DLEU7: variants seen among roughly 807,000 people sequenced by gnomAD.
The protein encoded by DLEU7 is leukemia-associated protein 7.
In DLEU7, 17 loss-of-function variants were observed where a neutral mutation model predicts 16.0. The ratio of observed to expected loss-of-function variants is 1.06; its 90% CI spans 0.73 to 1.59. The LOEUF (loss-of-function observed/expected upper bound fraction) is 1.59, where lower values mean the gene tolerates loss of function less well. Ranked by LOEUF, DLEU7 falls within the 40% of genes most tolerant of loss-of-function variation. The probability of loss-of-function intolerance (pLI) is 0.00; values close to 1 mark genes in which losing one functional copy is unlikely to be tolerated. For synonymous variants in DLEU7, 113 were observed against 139.8 expected, an observed-to-expected ratio of 0.81 and a Z score of 1.35; for missense variants, 308 against 314.9, an observed-to-expected ratio of 0.98 and a Z score of 0.17.
chr13:50,843,799 T>A, upstream of DLEU7: 1 of 1,072,434 alleles, frequency 9.3e-7, no homozygotes, highest in Non-Finnish European at 1.3e-6. This position sits in a 1 kb window ranked among gnomAD's most constrained non-coding sequence, Gnocchi z 5.7. Flanking sequence ...CCCCCGGCTC[T>A]GAATCGGTGA....
At chr13:50,800,047 CAGG>C (rs1193071551) in intron 1 of DLEU7, among the ~76,000 whole-genome samples, 1 of 152,184 alleles carries the variant, frequency 6.6e-6, no homozygotes, top group Non-Finnish European at 1.5e-5. Context: ...AGGCTTCATG[CAGG>C]AGATGACATT....
chr13:50,723,415 TACACACACACAC>T (rs35069706), intron 1 of DLEU7, among the ~76,000 whole-genome samples: 16 of 148,268 alleles, frequency 1.1e-4, no homozygotes, highest in Non-Finnish European at 1.5e-4. Context: ...ACAATAATTG[TACACACACACAC>T]ACACACACAC....
At chr13:50,769,702 G>A (rs1404305546) in intron 1 of DLEU7, among the ~76,000 whole-genome samples, 1 of 152,174 alleles carries the variant, frequency 6.6e-6, no homozygotes, top group African/African-American at 2.4e-5. Context: ...TTGTAGTATA[G>A]TTTGAAGTCA....
chr13:50,761,077 C>T (rs1874914636), intron 1 of DLEU7, among the ~76,000 whole-genome samples: 1 of 152,198 alleles, frequency 6.6e-6, no homozygotes, highest in Non-Finnish European at 1.5e-5. Flanking sequence ...AGGAGAAACA[C>T]ACCTGGATTG....
chr13:50,746,166 C>T (rs1285270007), intron 1 of DLEU7, among the ~76,000 whole-genome samples: 1 of 152,170 alleles, frequency 6.6e-6, no homozygotes, highest in Non-Finnish European at 1.5e-5. Context: ...GTACCTGGCA[C>T]ACAGTAAGTT....
intron 1 of DLEU7, among the ~76,000 whole-genome samples, chr13:50,817,803 A>G (rs1241932733): frequency 6.6e-6 from 1 of 152,082 alleles, no homozygotes; most frequent in East Asian, 1.9e-4. Context: ...ATAGTTCCTC[A>G]ATCAGTGTAA....
intron 1 of DLEU7, among the ~76,000 whole-genome samples, chr13:50,815,496 TC>T (rs770206060): frequency 6.6e-6 from 1 of 152,152 alleles, no homozygotes; most frequent in Non-Finnish European, 1.5e-5. Flanking sequence ...TCTTATCAAT[TC>T]TTTTTCAATT....
At chr13:50,758,581 C>T (rs530256916) in intron 1 of DLEU7, among the ~76,000 whole-genome samples, 12 of 152,300 alleles carry the variant, frequency 7.9e-5, no homozygotes, top group African/African-American at 2.9e-4. Context: ...GGGCTGTGGT[C>T]TCCACTGAAG....
At chr13:50,834,854 A>G (rs914165499) in intron 1 of DLEU7, among the ~76,000 whole-genome samples, 2 of 152,200 alleles carry the variant, frequency 1.3e-5, no homozygotes, top group Non-Finnish European at 2.9e-5. Context: ...ATGGAATACT[A>G]TGCAGCCATA....
intron 1 of DLEU7, among the ~76,000 whole-genome samples, chr13:50,787,676 C>G (rs1297666133): frequency 6.6e-6 from 1 of 152,078 alleles, no homozygotes. Context: ...GACCTACTGC[C>G]TAAAACATGG....
intron 1 of DLEU7, among the ~76,000 whole-genome samples, chr13:50,842,353 T>C (rs1039255731): frequency 6.6e-6 from 1 of 152,148 alleles, no homozygotes. Context: ...AATACAGCAA[T>C]GCTCCTGGTC....
intron 1 of DLEU7, among the ~76,000 whole-genome samples, chr13:50,722,845 C>A (rs1317028620): frequency 1.3e-5 from 2 of 151,992 alleles, no homozygotes; most frequent in Non-Finnish European, 2.9e-5. Flanking sequence ...TTCTGTGTAC[C>A]CTTTATCTAA....
At chr13:50,742,471 AT>A (rs1874277817) in intron 1 of DLEU7, among the ~76,000 whole-genome samples, 1 of 152,246 alleles carries the variant, frequency 6.6e-6, no homozygotes, top group South Asian at 2.1e-4. Context: ...AGGAGTGTAG[AT>A]TTCTTGGAGT....
intron 1 of DLEU7, among the ~76,000 whole-genome samples, chr13:50,776,201 G>A (rs912510569): frequency 1.3e-5 from 2 of 152,160 alleles, no homozygotes; most frequent in African/African-American, 4.8e-5. Context: ...CTTGGTAGAT[G>A]GTATCATTGT....
At chr13:50,789,142 G>A (rs1875875753) in intron 1 of DLEU7, among the ~76,000 whole-genome samples, 1 of 151,868 alleles carries the variant, frequency 6.6e-6, no homozygotes, top group Admixed American at 6.6e-5. Context: ...GGTGCTCAGT[G>A]TTTCGGAGCT....
At chr13:50,772,438 A>G (rs1222316873) in intron 1 of DLEU7, among the ~76,000 whole-genome samples, 6 of 152,130 alleles carry the variant, frequency 3.9e-5, no homozygotes, top group Non-Finnish European at 7.4e-5. Flanking sequence ...GCTTCCTTCA[A>G]GAGCTCTTGT....
rs1877724486 is a variant in DLEU7, at chr13:50,843,091, G to T, written c.459+97C>A. 8.3e-7 allele frequency: 1 copy of T among 1,204,548 alleles called. No homozygotes were observed. The highest frequency in any genetic ancestry group is 1.1e-6 in the Non-Finnish European group (1 of 889,512). 74.6% of individuals were successfully genotyped at this position (1,204,548 alleles called of 1,614,324 possible). On this transcript the variant is annotated intron_variant, in intron 1 of 1. Transcript: ENST00000504404. This position sits in a 1 kb window ranked among gnomAD's most constrained non-coding sequence, Gnocchi z 5.7. The stretch of plus-strand genomic sequence containing the variant: ...AATCACAGTGGGCAGCAGTGTTTGG[G>T]ATCCTGCGATCCACCCATCGCCATC...
intron 1 of DLEU7, among the ~76,000 whole-genome samples, chr13:50,794,952 T>A (rs111662652): frequency 1.3e-5 from 2 of 151,416 alleles, no homozygotes; most frequent in Non-Finnish European, 1.5e-5. Flanking sequence ...TAAATACATA[T>A]AATTATATAT....
intron 1 of DLEU7, among the ~76,000 whole-genome samples, chr13:50,728,595 G>A (rs901743040): frequency 6.6e-6 from 1 of 152,020 alleles, no homozygotes; most frequent in Non-Finnish European, 1.5e-5. Flanking sequence ...TCTCCATGGG[G>A]AAGGGTCAAG....
Sources: gnomAD v4.1 joint callset for allele counts (sites outside exome capture counted in the v4.1 genomes callset) on GRCh38, gnomAD v4.1.1 for gene constraint, Gnocchi (gnomAD v3.1) non-coding constraint, MANE v1.5 for transcripts, NCBI Gene and HGNC (gene_info 2026-07-23, HGNC 2026-07-21) for gene names.